Variants in PSMD9 observed in about 807,000 individuals in gnomAD.
PSMD9 encodes the protein 26S proteasome non-ATPase regulatory subunit 9.
A neutral mutation model predicts 25.9 loss-of-function variants in PSMD9; 26 were observed. The observed-to-expected ratio is 1.00, with a 90% CI of 0.73 to 1.39. The LOEUF (loss-of-function observed/expected upper bound fraction) is 1.39. PSMD9 is among the 40% of genes most tolerant of loss of function. PSMD9 has a pLI of 0.00. For missense variants in PSMD9, 303 were observed against 299.3 expected, an observed-to-expected ratio of 1.01 and a Z score of -0.09; for synonymous variants, 110 against 114.5, an observed-to-expected ratio of 0.96 and a Z score of 0.25.
chr12:121,891,291 G>A (rs1879066618), intron 1 of PSMD9, among the ~76,000 whole-genome samples: 1 of 113,700 alleles, frequency 8.8e-6, no homozygotes, highest in Non-Finnish European at 1.8e-5. Flanking sequence ...GTGAGATGCT[G>A]TCTCTTTAAA....
rs34940246 is a variant in PSMD9 at position 121,910,083 on chromosome 12, C to CTTTTTTTTT, written c.556-5760_556-5752dup. On this transcript the variant is annotated intron_variant, in intron 4 of 5. Coordinates refer to ENST00000541212, the MANE Select transcript of PSMD9 (RefSeq NM_002813.7). ...TCTTTGACAATCTGGTAGGAAATGA[C>CTTTTTTTTT]TTTTTTTTTTTTTTTTTTTTTGAGA... Among the ~76,000 whole-genome samples the CTTTTTTTTT allele has an allele frequency of 6.2e-4, 59 of 95,540 alleles. 4 individuals are homozygous for CTTTTTTTTT. The highest frequency in any genetic ancestry group is 7.0e-4 in the Non-Finnish European group (37 of 52,586). 62.7% of individuals were successfully genotyped at this position (95,540 alleles called of 152,430 possible). A position where few individuals can be genotyped will look rare whatever the true frequency, so the allele number is the denominator to read the frequency against.
intron 4 of PSMD9, chr12:121,915,324 CA>C (rs36112373): frequency 0.73 from 97,214 of 133,442 alleles, 35,158 homozygotes; most frequent in Non-Finnish European, 0.83. Flanking sequence ...GACTGTGTCT[CA>C]AAAAAAAAAA....
intron 2 of PSMD9, among the ~76,000 whole-genome samples, chr12:121,896,007 T>C (rs1879217618): frequency 6.6e-6 from 1 of 152,294 alleles, no homozygotes; most frequent in East Asian, 1.9e-4. Context: ...CACATCTTAT[T>C]TATTTATTTA....
At chr12:121,909,476 G>A (rs1413710291) in intron 4 of PSMD9, among the ~76,000 whole-genome samples, 2 of 151,674 alleles carry the variant, frequency 1.3e-5, no homozygotes, top group Non-Finnish European at 2.9e-5. Context: ...ACCACACCTG[G>A]CTAATTTTTT....
At position 121,916,358 on chromosome 12, in the gene PSMD9, A is replaced by G. The variant is rs1319755325; in HGVS notation, c.*47A>G. ...AGGAAAGCATCTTCCCTTGCCCTGG[A>G]CTTGGGTCTAGGGATTTCCAACTTG... On this transcript the variant is annotated 3_prime_UTR_variant, in exon 6 of 6. Coordinates refer to ENST00000541212, the MANE Select transcript of PSMD9 (RefSeq NM_002813.7). 4 of 1,603,108 alleles carry G rather than the reference A, an allele frequency of 2.5e-6. No individual in the cohort carries two copies. The East Asian group carries it at 6.7e-5, about 27-fold the overall frequency.
chr12:121,893,778 A>C (rs1002780222), intron 1 of PSMD9: 1 of 152,148 alleles, frequency 6.6e-6, no homozygotes, highest in African/African-American at 2.4e-5. Context: ...ACATAATTAC[A>C]TCTACAAAGA....
Sources: allele counts gnomAD v4.1 joint callset (sites outside exome capture counted in the v4.1 genomes callset), GRCh38; gene constraint gnomAD v4.1.1; transcripts MANE v1.5; gene names NCBI Gene and HGNC (gene_info 2026-07-23, HGNC 2026-07-21).